Variants in IL1RAPL1 observed in about 807,000 individuals in gnomAD.
The protein encoded by IL1RAPL1 is interleukin-1 receptor accessory protein-like 1.
IL1RAPL1 carries 3 observed loss-of-function variants against 48.4 expected under a neutral mutation model. The ratio of observed to expected loss-of-function variants is 0.06; its 90% confidence interval spans 0.03 to 0.16. The LOEUF (loss-of-function observed/expected upper bound fraction) is 0.16. IL1RAPL1 is among the 10% of genes least tolerant of loss of function. The pLI is 1.00. For synonymous variants in IL1RAPL1, 185 were observed against 187.7 expected (o/e 0.99, Z 0.12); for missense variants, 349 against 530.6 (o/e 0.66, Z 3.36).
intron 6 of IL1RAPL1, among the ~76,000 whole-genome samples, chrX:29,691,721 G>A (rs6526918): frequency 0.25 from 24,687 of 97,616 alleles, 2,873 homozygotes; most frequent in South Asian, 0.39. Context: ...TCCGCAGTCC[G>A]GCCTGGGCGA....
At chrX:28,833,215 G>A (rs5985921) in intron 2 of IL1RAPL1, among the ~76,000 whole-genome samples, 22,065 of 110,619 alleles carry the variant, frequency 0.2, 4,361 homozygotes, top group African/African-American at 0.61. Context: ...TCCTTATCCA[G>A]TCCACCATTG....
intron 2 of IL1RAPL1, among the ~76,000 whole-genome samples, chrX:28,834,479 C>T (rs1921153066): frequency 9.0e-6 from 1 of 110,599 alleles, no homozygotes; most frequent in African/African-American, 3.3e-5. Flanking sequence ...TCAAAAGGGG[C>T]ATGAAGTTTA....
intron 6 of IL1RAPL1, among the ~76,000 whole-genome samples, chrX:29,829,155 TACACACAC>T (rs57560936): frequency 0.089 from 5,488 of 61,774 alleles, 233 homozygotes; most frequent in Middle Eastern, 0.17. Flanking sequence ...GACAAAAACC[TACACACAC>T]ACACACACAC....
chrX:28,736,359 A>T (rs1215304651), intron 1 of IL1RAPL1, among the ~76,000 whole-genome samples: 1 of 108,909 alleles, frequency 9.2e-6, no homozygotes, highest in Non-Finnish European at 1.9e-5. Context: ...GCTTGAACCC[A>T]GGAGGCAGAG....
At chrX:29,951,002 A>T (rs1408118615) in intron 9 of IL1RAPL1, among the ~76,000 whole-genome samples, 2 of 111,364 alleles carry the variant, frequency 1.8e-5, no homozygotes, top group Non-Finnish European at 3.8e-5. Context: ...TTCATGAATC[A>T]CAGTAAGAAG....
intron 1 of IL1RAPL1, among the ~76,000 whole-genome samples, chrX:28,655,948 T>C (rs1211227301): frequency 8.9e-6 from 1 of 111,832 alleles, no homozygotes; most frequent in African/African-American, 3.2e-5. Context: ...AAAGACAGAA[T>C]GTTTGAAGAT....
intron 2 of IL1RAPL1, among the ~76,000 whole-genome samples, chrX:29,157,489 G>T (rs1238558020): frequency 8.9e-6 from 1 of 111,794 alleles, no homozygotes; most frequent in Non-Finnish European, 1.9e-5. Context: ...CTGATCAGTT[G>T]TGTGTAACTA....
chrX:29,841,682 T>C (rs1360462384), intron 6 of IL1RAPL1, among the ~76,000 whole-genome samples: 1 of 111,498 alleles, frequency 9.0e-6, no homozygotes, highest in East Asian at 2.8e-4. Context: ...GTAAGAACTA[T>C]ACAAGCAGTA....
At chrX:28,873,106 C>CTTTTTTT (rs764591682) in intron 2 of IL1RAPL1, among the ~76,000 whole-genome samples, 9 of 64,972 alleles carry the variant, frequency 1.4e-4, no homozygotes, top group East Asian at 5.5e-4. Flanking sequence ...TTTTTTTTCA[C>CTTTTTTT]TTTTTTTTTT....
At chrX:28,694,345 G>A (rs1029701409) in intron 1 of IL1RAPL1, among the ~76,000 whole-genome samples, 10 of 111,828 alleles carry the variant, frequency 8.9e-5, no homozygotes, top group Admixed American at 5.7e-4. Flanking sequence ...TTCTAATTTC[G>A]TAAATTAACC....
chrX:29,681,343 T>C (rs967745472), intron 6 of IL1RAPL1, among the ~76,000 whole-genome samples: 8 of 112,341 alleles, frequency 7.1e-5, no homozygotes, highest in African/African-American at 2.3e-4. Flanking sequence ...ATATGATTTG[T>C]AATGTGTTTG....
intron 2 of IL1RAPL1, among the ~76,000 whole-genome samples, chrX:28,900,582 AG>A (rs1418834273): frequency 8.9e-6 from 1 of 112,443 alleles, no homozygotes; most frequent in Non-Finnish European, 1.9e-5. Flanking sequence ...ATAACTAATA[AG>A]AAAAATGGAA....
At chrX:29,802,730 G>A (rs987537282) in intron 6 of IL1RAPL1, among the ~76,000 whole-genome samples, 10 of 83,877 alleles carry the variant, frequency 1.2e-4, no homozygotes, top group African/African-American at 3.8e-4. Context: ...CAAGCTATGA[G>A]GTCTCTGAGG....
chrX:29,864,004 T>C (rs1254623850), intron 6 of IL1RAPL1, among the ~76,000 whole-genome samples: 5 of 110,823 alleles, frequency 4.5e-5, no homozygotes, highest in Non-Finnish European at 3.8e-5. Flanking sequence ...TCAGGATGGT[T>C]TCAAACTCCT....
chrX:28,800,391 C>G (rs1936659106), intron 2 of IL1RAPL1, among the ~76,000 whole-genome samples: 1 of 111,645 alleles, frequency 9.0e-6, no homozygotes, highest in African/African-American at 3.3e-5. Context: ...CTGCAAATGT[C>G]AAAGCAAGAG....
At chrX:29,815,704 TG>T (rs1450494084) in intron 6 of IL1RAPL1, among the ~76,000 whole-genome samples, 1 of 111,110 alleles carries the variant, frequency 9.0e-6, no homozygotes, top group African/African-American at 3.3e-5. Flanking sequence ...AGTATGGTGT[TG>T]GCTGTGGGTT....
At chrX:29,260,965 A>C (rs1287839426) in intron 2 of IL1RAPL1, among the ~76,000 whole-genome samples, 1 of 107,755 alleles carries the variant, frequency 9.3e-6, no homozygotes, top group East Asian at 2.8e-4. Flanking sequence ...AAAATAATAA[A>C]ATGTATAGAC....
At chrX:29,936,507 A>G (rs141892032) in intron 8 of IL1RAPL1, among the ~76,000 whole-genome samples, 966 of 93,247 alleles carry the variant, frequency 0.01, 11 homozygotes, top group African/African-American at 0.039. Flanking sequence ...GCAAAATTCT[A>G]TATATATAGG....
chrX:29,735,222 C>T (rs1928014849), intron 6 of IL1RAPL1, among the ~76,000 whole-genome samples: 1 of 111,190 alleles, frequency 9.0e-6, no homozygotes, highest in Non-Finnish European at 1.9e-5. Context: ...ATGGTCTCTT[C>T]CTCCATCTTC....
Sources: gnomAD v4.1 joint callset for allele counts (sites outside exome capture counted in the v4.1 genomes callset) on GRCh38, gnomAD v4.1.1 for gene constraint, MANE v1.5 for transcripts, NCBI Gene and HGNC (gene_info 2026-07-23, HGNC 2026-07-21) for gene names.